Variants in SLC22A14 observed in about 807,000 individuals in gnomAD.
The protein encoded by SLC22A14 is organic cation transporter-like 4.
In SLC22A14, 50 loss-of-function variants were observed where a neutral mutation model predicts 53.9. The observed-to-expected ratio is 0.93, with a 90% CI of 0.74 to 1.17. The LOEUF is 1.17. Ranked by LOEUF, SLC22A14 falls within the 50% of genes most tolerant of loss-of-function variation. The pLI, the probability that SLC22A14 is intolerant of heterozygous loss-of-function variation, is 0.00. For missense variants in SLC22A14, 671 were observed against 734.7 expected, an observed-to-expected ratio of 0.91 and a Z score of 1.00; for synonymous variants, 312 against 303.0, an observed-to-expected ratio of 1.03 and a Z score of -0.31.
chr3:38,314,315 T>C (rs1459121719), intron 8 of SLC22A14, among the ~76,000 whole-genome samples: 1 of 152,236 alleles, frequency 6.6e-6, no homozygotes, highest in Non-Finnish European at 1.5e-5. Context: ...CTGTCATCTG[T>C]AGCCCCTTTG....
At chr3:38,295,430 T>C (rs1185102206) in intron 1 of SLC22A14, among the ~76,000 whole-genome samples, 1 of 152,242 alleles carries the variant, frequency 6.6e-6, no homozygotes, top group East Asian at 1.9e-4. Context: ...CTGCTACAGA[T>C]TGAATGCATT....
chr3:38,293,575 A>G (rs980338026), intron 1 of SLC22A14, among the ~76,000 whole-genome samples: 30 of 152,208 alleles, frequency 2.0e-4, no homozygotes, highest in Admixed American at 1.6e-3. Flanking sequence ...ACAGGGAGGT[A>G]TGCTTCCTCA....
intron 1 of SLC22A14, among the ~76,000 whole-genome samples, chr3:38,295,794 CTCTG>C (rs1380348655): frequency 1.2e-4 from 18 of 151,698 alleles, no homozygotes; most frequent in East Asian, 3.9e-4. Context: ...CTGTCTCTCT[CTCTG>C]TCTGTCTCTC....
Position 38,307,204 on chromosome 3 carries a change from C to T in SLC22A14, c.517-50C>T. ...CCCACGCTGGGATGAGTCTCAGTCT[C>T]TGGACCCAAAGGTGGGCACCCGTGG... On this transcript the variant is annotated intron_variant, in intron 2 of 10. Transcript: ENST00000448498. This position sits in a 1 kb window ranked among gnomAD's most constrained non-coding sequence, Gnocchi z 4.4. 1 of 1,326,520 alleles carries T rather than the reference C, an allele frequency of 7.5e-7. No homozygotes were observed. The highest frequency in any genetic ancestry group is 1.1e-6 in the Non-Finnish European group (1 of 917,636). The allele number at this position is 1,326,520 out of a possible 1,614,324, so 82.2% of individuals were successfully genotyped here.
chr3:38,286,766 C>G (rs950857743), intron 1 of SLC22A14, among the ~76,000 whole-genome samples: 1 of 151,100 alleles, frequency 6.6e-6, no homozygotes, highest in African/African-American at 2.4e-5. Context: ...GAGTCTTGCT[C>G]TGTTGCCCAG....
intron 1 of SLC22A14, among the ~76,000 whole-genome samples, chr3:38,291,912 C>G (rs889328553): frequency 6.6e-6 from 1 of 152,160 alleles, no homozygotes; most frequent in South Asian, 2.1e-4. Context: ...GCCTGTTATG[C>G]CAAGGAACTC....
chr3:38,302,330 T>TTATATATATACATATATATTTA, intron 1 of SLC22A14, among the ~76,000 whole-genome samples: 1 of 144,382 alleles, frequency 6.9e-6, no homozygotes, highest in East Asian at 2.0e-4. Flanking sequence ...ACATATATAT[T>TTATATATATACATATATATTTA]TATATATATA....
chr3:38,313,355 C>T (rs371564627), intron 6 of SLC22A14, 33 bp from the exon 7 acceptor site: 296 of 1,551,452 alleles, frequency 1.9e-4, no homozygotes, highest in Non-Finnish European at 2.5e-4. Context: ...GGGGTCTTGG[C>T]CCTGCCTCTG....
chr3:38,288,397 G>T (rs1325883945), intron 1 of SLC22A14, among the ~76,000 whole-genome samples: 1 of 152,146 alleles, frequency 6.6e-6, no homozygotes, highest in African/African-American at 2.4e-5. Flanking sequence ...GTGAACATGG[G>T]TGTACAAATC....
At position 38,306,225 on chromosome 3, in the gene SLC22A14, C is replaced by A. The variant is rs764392380; in HGVS notation, c.199C>A (p.Gln67Lys). The A allele has an allele frequency of 7.3e-5, 118 of 1,614,050 alleles. No homozygotes were observed. The highest frequency in any genetic ancestry group is 9.8e-5 in the Non-Finnish European group (116 of 1,180,016). The stretch of plus-strand genomic sequence containing the variant: ...GGTGGGGGAGTTTGGCACATTCCAG[C>A]AGAGGCTAGTAGCCCTCACCTTTAT... ...DAVGEFGTFQQRLVALTFIPS... is the reference protein window; with the variant it reads ...DAVGEFGTFQKRLVALTFIPS... Residue 67 changes from glutamine to lysine, a missense_variant, in exon 2 of 11, where the codon CAG becomes AAG. Transcript: ENST00000448498.
chr3:38,295,617 C>G (rs927726699), intron 1 of SLC22A14, among the ~76,000 whole-genome samples: 2 of 151,654 alleles, frequency 1.3e-5, no homozygotes, highest in African/African-American at 4.8e-5. Context: ...TTAAATTTAC[C>G]CTGGCTTTTA....
chr3:38,287,111 G>A (rs112980272), intron 1 of SLC22A14, among the ~76,000 whole-genome samples: 23 of 137,280 alleles, frequency 1.7e-4, no homozygotes, highest in East Asian at 3.9e-4. Flanking sequence ...GTGTGTGTGC[G>A]TGTGTGTGTG....
At chr3:38,281,627 G>T (rs1413120401), upstream of SLC22A14, among the ~76,000 whole-genome samples, 1 of 152,208 alleles carries the variant, frequency 6.6e-6, no homozygotes, top group African/African-American at 2.4e-5. Context: ...TGGATTAACA[G>T]ATTACACTCA....
intron 5 of SLC22A14, 85 bp downstream of exon 5, chr3:38,309,207 G>T: frequency 8.4e-7 from 1 of 1,192,836 alleles, no homozygotes; most frequent in South Asian, 1.3e-5. Flanking sequence ...GAAGCTGTGG[G>T]AATGGGTGGG....
At chr3:38,313,221 C>T in intron 6 of SLC22A14, 102 bp downstream of exon 6, 3 of 1,512,090 alleles carry the variant, frequency 2.0e-6, no homozygotes, top group Admixed American at 1.8e-5. Context: ...GAGGGTGCCC[C>T]CAGTCCACTG....
In SLC22A14 at chr3:38,318,019, G is replaced by C. The variant is rs7640931; in HGVS notation, c.1734-179G>C. Among the ~76,000 whole-genome samples the C allele has an allele frequency of 6.2e-3, 948 of 152,340 alleles. 4 individuals carry two copies. Among genetic ancestry groups the C allele is most frequent in the African/African-American group, 0.021 (885 of 41,572 alleles). On this transcript the variant is annotated intron_variant, in intron 10 of 10. Transcript: ENST00000448498. Reference sequence around the variant, plus strand: ...AAGAGAAGGGTCTCGCAAGGGTTGGGAGATGGAGCAGGCCTGATTCTGGAG... The same window carrying C: ...AAGAGAAGGGTCTCGCAAGGGTTGGCAGATGGAGCAGGCCTGATTCTGGAG...
intron 1 of SLC22A14, 72 bp from the exon 2 acceptor site, chr3:38,305,955 G>A: frequency 6.8e-7 from 1 of 1,473,110 alleles, no homozygotes; most frequent in South Asian, 1.3e-5. Context: ...CTAGTCGGTG[G>A]CTCCCATGCT....
In SLC22A14 at chr3:38,306,506, C is replaced by T. The variant is rs1363803847; in HGVS notation, c.480C>T (p.Ile160=). The T allele has an allele frequency of 6.2e-7, 1 of 1,614,100 alleles. No individual in the cohort carries two copies. The highest frequency in any genetic ancestry group is 1.1e-5 in the South Asian group (1 of 91,068). ...CAGACACATGCCAAGATGGGTGGAT[C>T]TATCCTGACGCTAAGAAGCGATCGC... ...NDTDTCQDGW[I]YPDAKKRSLI... Residue 160 remains isoleucine (I), a synonymous_variant, in exon 2 of 11, where the codon ATC becomes ATT. Transcript: ENST00000448498.
intron 1 of SLC22A14, among the ~76,000 whole-genome samples, chr3:38,289,660 C>A (rs745686525): frequency 6.6e-6 from 1 of 152,180 alleles, no homozygotes; most frequent in Admixed American, 6.5e-5. Flanking sequence ...CTTAGCCATG[C>A]GGGAACAATG....
Sources: allele counts gnomAD v4.1 joint callset (sites outside exome capture counted in the v4.1 genomes callset), GRCh38; gene constraint gnomAD v4.1.1; non-coding constraint Gnocchi (gnomAD v3.1); transcripts MANE v1.5; gene names NCBI Gene and HGNC (gene_info 2026-07-23, HGNC 2026-07-21).